Variants in ANO4 observed in about 807,000 individuals in gnomAD.
ANO4 encodes the protein anoctamin-4.
A neutral mutation model predicts 141.9 loss-of-function variants in ANO4; 69 were observed. The ratio of observed to expected loss-of-function variants is 0.49; its 90% CI spans 0.40 to 0.59. ANO4 has a LOEUF of 0.59. ANO4 is among the 20% of genes least tolerant of loss of function. The pLI is 0.00. For missense variants in ANO4, 894 were observed against 1,162.2 expected (o/e 0.77, Z 3.36); for synonymous variants, 350 against 394.3 (o/e 0.89, Z 1.33).
At chr12:100,906,624 C>G (rs1037728288) in intron 2 of ANO4, among the ~76,000 whole-genome samples, 16 of 151,920 alleles carry the variant, frequency 1.1e-4, no homozygotes, top group Non-Finnish European at 1.9e-4. Flanking sequence ...ATGATTGAGT[C>G]AAGAATTGAG....
At chr12:100,727,537 T>C (rs55916039) in intron 1 of ANO4, among the ~76,000 whole-genome samples, 181 of 152,286 alleles carry the variant, frequency 1.2e-3, no homozygotes, top group Non-Finnish European at 2.1e-3. Context: ...ATAAATATTT[T>C]ACTTTCAACA....
chr12:100,922,312 C>T lies in ANO4; in HGVS notation c.142C>T (p.Leu48Phe). 4 of 1,530,258 alleles carry T rather than the reference C, an allele frequency of 2.6e-6. No homozygotes were observed. In the South Asian group the frequency reaches 4.8e-5, roughly 18 times the overall value. 94.8% of individuals were successfully genotyped at this position (1,530,258 alleles called of 1,614,324 possible). A position where few individuals can be genotyped will look rare whatever the true frequency, so the allele number is the denominator to read the frequency against. Residue 48 changes from leucine to phenylalanine, a missense_variant, in exon 3 of 28, where the codon CTT becomes TTT. By Grantham distance (22) the Leu-to-Phe change is conservative. This residue lies in a region of ANO4 where 257 missense variants were observed against 253.0 expected (regional missense o/e 1.02). Coordinates refer to ENST00000392977, the MANE Select transcript of ANO4 (RefSeq NM_001286615.2). ...PKSDVDFSEI[L>F]NAIQEMAKDV... The stretch of plus-strand genomic sequence containing the variant: ...GAGTGATGTGGACTTTTCAGAGATT[C>T]TTAATGCAATACAAGAAAGTAAGTT...
At chr12:100,738,766 A>G (rs1046161232) in intron 2 of ANO4, among the ~76,000 whole-genome samples, 30 of 151,928 alleles carry the variant, frequency 2.0e-4, no homozygotes, top group African/African-American at 6.8e-4. Context: ...AAGCAACTTG[A>G]CATGACCATC....
intron 1 of ANO4, among the ~76,000 whole-genome samples, chr12:100,728,374 A>G (rs1248158029): frequency 6.6e-5 from 10 of 152,216 alleles, no homozygotes; most frequent in African/African-American, 2.2e-4. Flanking sequence ...TGGAGCCTCA[A>G]TGCTTAGCAC....
intron 3 of ANO4, among the ~76,000 whole-genome samples, chr12:100,787,436 C>T (rs2033909419): frequency 6.6e-6 from 1 of 152,040 alleles, no homozygotes; most frequent in African/African-American, 2.4e-5. Context: ...GGAATGATGG[C>T]AAGAAGAAAG....
At chr12:100,863,001 G>C (rs1391867709) in intron 1 of ANO4, among the ~76,000 whole-genome samples, 1 of 152,176 alleles carries the variant, frequency 6.6e-6, no homozygotes, top group Non-Finnish European at 1.5e-5. Flanking sequence ...TAACTGATAA[G>C]GTGTTAGGTA....
chr12:100,901,026 C>G (rs779726000), intron 1 of ANO4, among the ~76,000 whole-genome samples: 8 of 152,206 alleles, frequency 5.3e-5, no homozygotes, highest in African/African-American at 1.9e-4. Context: ...GTAATCAATT[C>G]TACTTTTGAG....
intron 18 of ANO4, among the ~76,000 whole-genome samples, chr12:101,094,554 G>A (rs1371336185): frequency 6.6e-6 from 1 of 152,126 alleles, no homozygotes; most frequent in East Asian, 1.9e-4. Context: ...ACAAAAAATA[G>A]CATTACAAAA....
At chr12:101,101,553 C>T (rs2050187167) in intron 22 of ANO4, among the ~76,000 whole-genome samples, 1 of 152,050 alleles carries the variant, frequency 6.6e-6, no homozygotes, top group African/African-American at 2.4e-5. Flanking sequence ...TGACACAGCA[C>T]ACAGACCCCT....
intron 3 of ANO4, among the ~76,000 whole-genome samples, chr12:100,923,443 A>G (rs1439502547): frequency 6.6e-6 from 1 of 151,970 alleles, no homozygotes; most frequent in Non-Finnish European, 1.5e-5. Flanking sequence ...AGCTTCATCC[A>G]TGCCCCTGCA....
At chr12:100,887,864 A>G (rs919047623) in intron 1 of ANO4, among the ~76,000 whole-genome samples, 1 of 152,190 alleles carries the variant, frequency 6.6e-6, no homozygotes, top group African/African-American at 2.4e-5. Flanking sequence ...TGTTGTGATG[A>G]TATAGAGTTT....
intron 7 of ANO4, among the ~76,000 whole-genome samples, chr12:100,985,567 A>G (rs1301068769): frequency 1.3e-5 from 2 of 152,318 alleles, no homozygotes; most frequent in East Asian, 1.9e-4. Flanking sequence ...TTCCAGCCCC[A>G]TAGTTCATGT....
At chr12:101,013,587 G>A (rs140920624) in intron 8 of ANO4, among the ~76,000 whole-genome samples, 21 of 152,246 alleles carry the variant, frequency 1.4e-4, no homozygotes, top group African/African-American at 4.8e-4. Flanking sequence ...TGTCACCCAT[G>A]ACTTAGGCAA....
At chr12:100,729,514 A>G (rs2031298873) in intron 1 of ANO4, among the ~76,000 whole-genome samples, 1 of 152,144 alleles carries the variant, frequency 6.6e-6, no homozygotes, top group Non-Finnish European at 1.5e-5. Flanking sequence ...CTCATTTTAC[A>G]TATGAGGAAA....
chr12:100,726,562 T>C (rs892981495), intron 1 of ANO4, among the ~76,000 whole-genome samples: 1 of 152,234 alleles, frequency 6.6e-6, no homozygotes, highest in East Asian at 1.9e-4. Context: ...TTTGGATATC[T>C]TGTGAAAATG....
chr12:100,920,723 G>GAAATGCAT (rs2041591704), intron 2 of ANO4, among the ~76,000 whole-genome samples: 1 of 152,104 alleles, frequency 6.6e-6, no homozygotes, highest in South Asian at 2.1e-4. Context: ...GACAGTGACC[G>GAAATGCAT]AAATGCATAC....
intron 1 of ANO4, among the ~76,000 whole-genome samples, chr12:100,865,507 A>G (rs1364136489): frequency 6.6e-6 from 1 of 152,218 alleles, no homozygotes; most frequent in Non-Finnish European, 1.5e-5. Flanking sequence ...GGATATGAAC[A>G]GACACATCTC....
chr12:100,728,864 T>A (rs1317524235), intron 1 of ANO4, among the ~76,000 whole-genome samples: 2 of 151,944 alleles, frequency 1.3e-5, no homozygotes, highest in African/African-American at 2.4e-5. Flanking sequence ...GGAAGAAAAA[T>A]GTGTAATGTA....
chr12:100,746,806 G>T (rs1175481645), intron 3 of ANO4, among the ~76,000 whole-genome samples: 1 of 152,098 alleles, frequency 6.6e-6, no homozygotes, highest in African/African-American at 2.4e-5. Flanking sequence ...CCTCCTTTAG[G>T]GCATTCCCAG....
Sources: allele counts gnomAD v4.1 joint callset (sites outside exome capture counted in the v4.1 genomes callset), GRCh38; gene constraint gnomAD v4.1.1; regional missense constraint gnomAD v4.1.1; transcripts MANE v1.5; gene names NCBI Gene and HGNC (gene_info 2026-07-23, HGNC 2026-07-21).